RHOJ: variants seen among roughly 807,000 people sequenced by gnomAD.
The protein encoded by RHOJ is rho-related GTP-binding protein RhoJ.
RHOJ carries 11 observed loss-of-function variants against 23.4 expected under a neutral mutation model. The observed-to-expected ratio is 0.47, with a 90% confidence interval of 0.30 to 0.78. The LOEUF is 0.78. Ranked by LOEUF, RHOJ falls within the 30% of genes least tolerant of loss-of-function variation. The probability of loss-of-function intolerance (pLI) is 0.08; values close to 1 mark genes in which losing one functional copy is unlikely to be tolerated. For synonymous variants in RHOJ, 102 were observed against 102.7 expected, an observed-to-expected ratio of 0.99 and a Z score of 0.04; for missense variants, 254 against 273.4, an observed-to-expected ratio of 0.93 and a Z score of 0.50.
chr14:63,224,413 T>G (rs1202398162), intron 1 of RHOJ, among the ~76,000 whole-genome samples: 2 of 152,152 alleles, frequency 1.3e-5, no homozygotes, highest in East Asian at 3.9e-4. Context: ...TGGGTAGAAA[T>G]GCCTCCAAGC....
chr14:63,213,006 C>G (rs1056105017), intron 1 of RHOJ, among the ~76,000 whole-genome samples: 2 of 152,160 alleles, frequency 1.3e-5, no homozygotes, highest in African/African-American at 2.4e-5. Flanking sequence ...AACAGCTAAG[C>G]CAACAGCACA....
At chr14:63,258,890 C>A (rs1041609092) in intron 1 of RHOJ, among the ~76,000 whole-genome samples, 5 of 152,168 alleles carry the variant, frequency 3.3e-5, no homozygotes, top group African/African-American at 9.7e-5. Flanking sequence ...GTGAAGCCAC[C>A]ATGAGAATGT....
intron 1 of RHOJ, among the ~76,000 whole-genome samples, chr14:63,247,078 G>A (rs2139636592): frequency 6.6e-6 from 1 of 152,356 alleles, no homozygotes; most frequent in South Asian, 2.1e-4. Context: ...CATGGAGCTA[G>A]GCTGGGAGGC....
At chr14:63,284,826 G>A (rs1882029660) in intron 4 of RHOJ, among the ~76,000 whole-genome samples, 1 of 152,068 alleles carries the variant, frequency 6.6e-6, no homozygotes. Flanking sequence ...CTTCTCATTG[G>A]GGAAGTTGTT....
chr14:63,204,847 C>A lies in RHOJ; in HGVS notation c.-23C>A. 4 of 1,598,788 alleles carry A rather than the reference C, an allele frequency of 2.5e-6. No individual in the cohort carries two copies. Among genetic ancestry groups the A allele is most frequent in the Non-Finnish European group, 3.4e-6 (4 of 1,172,168 alleles). On this transcript the variant is annotated 5_prime_UTR_variant, in exon 1 of 5. Coordinates refer to ENST00000316754, the MANE Select transcript of RHOJ (RefSeq NM_020663.5). ...CAGGAGAAGCAATAGCAGCAGGAGT[C>A]CCCAGCAGCTGGAGCCGCAAGAATG...
At chr14:63,228,995 TGGCCTATTTACTGA>T (rs951292777) in intron 1 of RHOJ, among the ~76,000 whole-genome samples, 52 of 152,312 alleles carry the variant, frequency 3.4e-4, no homozygotes, top group African/African-American at 1.2e-3. Flanking sequence ...TGTATTATAA[TGGCCTATTTACTGA>T]GGTGTCTCTT....
At chr14:63,227,341 G>A (rs35541439) in intron 1 of RHOJ, among the ~76,000 whole-genome samples, 292 of 152,218 alleles carry the variant, frequency 1.9e-3, no homozygotes, top group South Asian at 4.4e-3. Context: ...TAGGAATATT[G>A]GTCTCATGAG....
intron 1 of RHOJ, among the ~76,000 whole-genome samples, chr14:63,223,456 C>T (rs1894535096): frequency 6.6e-6 from 1 of 152,210 alleles, no homozygotes; most frequent in South Asian, 2.1e-4. Flanking sequence ...GCCCAAAACT[C>T]CATTCTCTCA....
At chr14:63,255,599 C>T (rs1895149729) in intron 1 of RHOJ, among the ~76,000 whole-genome samples, 1 of 146,284 alleles carries the variant, frequency 6.8e-6, no homozygotes, top group Non-Finnish European at 1.5e-5. Context: ...CCACTCCATG[C>T]TCCTGATTCA....
chr14:63,275,796 G>A (rs540003471), intron 2 of RHOJ, among the ~76,000 whole-genome samples: 31 of 152,220 alleles, frequency 2.0e-4, no homozygotes, highest in East Asian at 1.7e-3. Context: ...TCCACTTCTC[G>A]TAGCCGCTTG....
intron 1 of RHOJ, among the ~76,000 whole-genome samples, chr14:63,239,026 G>T (rs75823798): frequency 0.013 from 2,046 of 152,258 alleles, 58 homozygotes; most frequent in African/African-American, 0.046. Context: ...GCCCAACTTA[G>T]CATGCGGTCT....
At chr14:63,224,367 G>A (rs910181074) in intron 1 of RHOJ, among the ~76,000 whole-genome samples, 3 of 152,200 alleles carry the variant, frequency 2.0e-5, no homozygotes, top group Non-Finnish European at 2.9e-5. Flanking sequence ...TCTGCTTCAT[G>A]TACTGTAACT....
chr14:63,220,388 A>AC lies in RHOJ; in HGVS notation c.178+15346dup, dbSNP rs1894463406. On this transcript the variant is annotated intron_variant, in intron 1 of 4. Coordinates refer to ENST00000316754, the MANE Select transcript of RHOJ (RefSeq NM_020663.5). ...AATTAAAAAAAAATCTGTACAATAAACCCCCATGACACAAATTTACCTATG... is the reference window on the plus strand; with the variant it reads ...AATTAAAAAAAAATCTGTACAATAAACCCCCCATGACACAAATTTACCTATG... Among the ~76,000 whole-genome samples, 9 of 151,608 alleles carry AC rather than the reference A, an allele frequency of 5.9e-5. No individual in the cohort carries two copies. The South Asian group carries it at 1.9e-3, about 32-fold the overall frequency.
At chr14:63,229,779 G>A (rs1214499690) in intron 1 of RHOJ, among the ~76,000 whole-genome samples, 4 of 152,172 alleles carry the variant, frequency 2.6e-5, no homozygotes, top group Non-Finnish European at 5.9e-5. Context: ...CTTATCTTAA[G>A]GGCAGCTGAT....
chr14:63,213,301 G>C (rs887276310), intron 1 of RHOJ, among the ~76,000 whole-genome samples: 1 of 152,084 alleles, frequency 6.6e-6, no homozygotes, highest in African/African-American at 2.4e-5. Context: ...TTCCCAACTA[G>C]TGGTCCTCAG....
intron 1 of RHOJ, among the ~76,000 whole-genome samples, chr14:63,243,462 C>T (rs1374550669): frequency 1.3e-5 from 2 of 152,186 alleles, no homozygotes; most frequent in Admixed American, 6.5e-5. Flanking sequence ...GCCTCAGCCT[C>T]CCGAGTAGCT....
chr14:63,269,879 T>C (rs77472236), intron 2 of RHOJ, among the ~76,000 whole-genome samples: 1,700 of 152,304 alleles, frequency 0.011, 35 homozygotes, highest in African/African-American at 0.039. Context: ...TAATCTGTCT[T>C]TCCCAGCATC....
At chr14:63,278,632 T>C (rs1039695478) in intron 2 of RHOJ, among the ~76,000 whole-genome samples, 3 of 152,140 alleles carry the variant, frequency 2.0e-5, no homozygotes, top group Non-Finnish European at 4.4e-5. Flanking sequence ...CACAACAATA[T>C]GAACAATTTA....
intron 2 of RHOJ, among the ~76,000 whole-genome samples, chr14:63,275,420 G>A (rs528502455): frequency 1.3e-5 from 2 of 152,328 alleles, no homozygotes; most frequent in South Asian, 2.1e-4. Flanking sequence ...TCACTTACCT[G>A]TGTCATGATG....
Sources: gnomAD v4.1 joint callset for allele counts (sites outside exome capture counted in the v4.1 genomes callset) on GRCh38, gnomAD v4.1.1 for gene constraint, MANE v1.5 for transcripts, NCBI Gene and HGNC (gene_info 2026-07-23, HGNC 2026-07-21) for gene names.